Variants in RAPGEF2 observed in about 807,000 individuals in gnomAD.
RAPGEF2 encodes the protein PDZ domain containing guanine nucleotide exchange factor (GEF) 1.
RAPGEF2 carries 54 observed loss-of-function variants against 186.7 expected under a neutral mutation model. That is an observed-to-expected ratio of 0.29 (90% confidence interval 0.23 to 0.36). RAPGEF2 has a LOEUF of 0.36. RAPGEF2 is among the 10% of genes least tolerant of loss of function. The pLI, the probability that RAPGEF2 is intolerant of heterozygous loss-of-function variation, is 1.00. For synonymous variants in RAPGEF2, 712 were observed against 705.9 expected (o/e 1.01, Z -0.14); for missense variants, 1,532 against 2,045.0 (o/e 0.75, Z 4.84).
At position 159,295,740 on chromosome 4, in the gene RAPGEF2, TGTGTGTGTGTGTGTGCGCGC is replaced by T. The variant is rs1305005774; in HGVS notation, c.544-8600_544-8581del. 1.6e-3 allele frequency among the ~76,000 whole-genome samples: 209 copies of T among 134,318 alleles called. 1 individual carries two copies. Among genetic ancestry groups the T allele is most frequent in the African/African-American group, 5.9e-3 (175 of 29,912 alleles). 88.1% of individuals were successfully genotyped at this position (134,318 alleles called of 152,430 possible). On this transcript the variant is annotated intron_variant, in intron 7 of 29. Coordinates refer to ENST00000691494, the MANE Select transcript of RAPGEF2 (RefSeq NM_001394067.2). ...GTGTGAGTGTGTGTGTGTGTGTGTG[TGTGTGTGTGTGTGTGCGCGC>T]GCGCGCGCGCGCGCATGCACATAAT...
chr4:159,164,748 A>ATAT (rs1230281712), intron 1 of RAPGEF2, among the ~76,000 whole-genome samples: 6 of 152,236 alleles, frequency 3.9e-5, no homozygotes, highest in African/African-American at 1.2e-4. Context: ...TTGATAGTTT[A>ATAT]TATTACTAAG....
chr4:159,106,315 C>G (rs114351635), intron 1 of RAPGEF2, among the ~76,000 whole-genome samples: 2,091 of 152,238 alleles, frequency 0.014, 49 homozygotes, highest in African/African-American at 0.048. Flanking sequence ...ACGTTTATTT[C>G]TTTTCAAGAG....
intron 7 of RAPGEF2, among the ~76,000 whole-genome samples, chr4:159,289,200 C>T (rs146954718): frequency 1.8e-3 from 270 of 152,150 alleles, no homozygotes; most frequent in African/African-American, 5.9e-3. Context: ...TAACAGTGAC[C>T]GGCTTGTTAC....
At chr4:159,160,720 A>G (rs1409885316) in intron 1 of RAPGEF2, among the ~76,000 whole-genome samples, 3 of 152,214 alleles carry the variant, frequency 2.0e-5, no homozygotes, top group Admixed American at 6.5e-5. Context: ...TAACGACTCC[A>G]AAAGGAAGTG....
At chr4:159,152,151 G>A (rs1271801770) in intron 1 of RAPGEF2, among the ~76,000 whole-genome samples, 2 of 151,988 alleles carry the variant, frequency 1.3e-5, no homozygotes, top group African/African-American at 4.8e-5. Flanking sequence ...GCAAAACCTC[G>A]TCTCTACAAA....
intron 7 of RAPGEF2, among the ~76,000 whole-genome samples, chr4:159,282,274 G>A (rs764920571): frequency 3.3e-5 from 5 of 152,036 alleles, no homozygotes; most frequent in Non-Finnish European, 5.9e-5. Context: ...GCTTAATTAC[G>A]ATTTAAGATC....
At chr4:159,327,510 C>G (rs1265339596) in intron 11 of RAPGEF2, 1 of 152,064 alleles carries the variant, frequency 6.6e-6, no homozygotes, top group African/African-American at 2.4e-5. Flanking sequence ...AAAAAATTAC[C>G]TGGGCATGGT....
intron 4 of RAPGEF2, among the ~76,000 whole-genome samples, chr4:159,218,419 C>T (rs1001155670): frequency 2.0e-5 from 3 of 152,152 alleles, no homozygotes; most frequent in African/African-American, 7.2e-5. Flanking sequence ...TTAAATGAGG[C>T]AATACGTAAG....
At chr4:159,336,095 A>G (rs1426723167) in intron 17 of RAPGEF2, among the ~76,000 whole-genome samples, 1 of 152,194 alleles carries the variant, frequency 6.6e-6, no homozygotes, top group African/African-American at 2.4e-5. Context: ...GATTAAATAG[A>G]AATTTAATTT....
intron 11 of RAPGEF2, among the ~76,000 whole-genome samples, chr4:159,324,258 C>T (rs1215121049): frequency 6.6e-6 from 1 of 150,428 alleles, no homozygotes; most frequent in Non-Finnish European, 1.5e-5. Context: ...AAACTCCTGA[C>T]CTCAAGTGAT....
chr4:159,346,742 A>G (rs985566373), intron 24 of RAPGEF2, 47 bp from the exon 25 acceptor site: 17 of 1,476,082 alleles, frequency 1.2e-5, no homozygotes, highest in Non-Finnish European at 1.4e-5. Context: ...CATACCTACT[A>G]GCATCTAAAA....
intron 1 of RAPGEF2, among the ~76,000 whole-genome samples, chr4:159,185,862 A>G (rs1048661080): frequency 6.6e-6 from 1 of 152,160 alleles, no homozygotes; most frequent in African/African-American, 2.4e-5. Flanking sequence ...TATTTTACAA[A>G]TTTCTTAAAA....
chr4:159,339,782 A>G (rs1767968599), intron 19 of RAPGEF2, among the ~76,000 whole-genome samples: 1 of 152,174 alleles, frequency 6.6e-6, no homozygotes, highest in African/African-American at 2.4e-5. Flanking sequence ...GCTCCTGCAT[A>G]CCCAACTTTT....
chr4:159,349,483 C>G (rs774718795), intron 25 of RAPGEF2, among the ~76,000 whole-genome samples: 4 of 130,008 alleles, frequency 3.1e-5, no homozygotes, highest in Non-Finnish European at 7.5e-5. Context: ...CTGTTGGATC[C>G]TGCACGTGGT....
At chr4:159,252,406 GA>G (rs1291777772) in intron 7 of RAPGEF2, among the ~76,000 whole-genome samples, 4 of 152,206 alleles carry the variant, frequency 2.6e-5, no homozygotes, top group African/African-American at 9.6e-5. Context: ...AGGACTTTTG[GA>G]ACACTTAAGA....
chr4:159,182,831 T>G (rs1747163728), intron 1 of RAPGEF2, among the ~76,000 whole-genome samples: 1 of 152,208 alleles, frequency 6.6e-6, no homozygotes, highest in African/African-American at 2.4e-5. Context: ...ACAAAAAGTT[T>G]TTTTTCTTAA....
intron 7 of RAPGEF2, among the ~76,000 whole-genome samples, chr4:159,288,377 C>T (rs1760772372): frequency 6.6e-6 from 1 of 152,106 alleles, no homozygotes; most frequent in Non-Finnish European, 1.5e-5. Context: ...CAAATTTTTA[C>T]TTTTTTAAAA....
chr4:159,110,227 T>G (rs1485298106), intron 1 of RAPGEF2, among the ~76,000 whole-genome samples: 1 of 152,232 alleles, frequency 6.6e-6, no homozygotes, highest in Non-Finnish European at 1.5e-5. Context: ...TTTTTTTCCC[T>G]TAAACATTAA....
At chr4:159,161,663 G>A (rs758493294) in intron 1 of RAPGEF2, among the ~76,000 whole-genome samples, 4 of 152,212 alleles carry the variant, frequency 2.6e-5, no homozygotes, top group Non-Finnish European at 4.4e-5. Flanking sequence ...AATGAGCCAT[G>A]ATCACGCCAC....
Sources: allele counts gnomAD v4.1 joint callset (sites outside exome capture counted in the v4.1 genomes callset), GRCh38; gene constraint gnomAD v4.1.1; transcripts MANE v1.5; gene names NCBI Gene and HGNC (gene_info 2026-07-23, HGNC 2026-07-21).